The following TAX1BP1 variants were observed in gnomAD, a reference collection of about 807,000 sequenced individuals.
The protein encoded by TAX1BP1 is Tax1 binding protein 1.
A neutral mutation model predicts 97.7 loss-of-function variants in TAX1BP1; 62 were observed. The ratio of observed to expected loss-of-function variants is 0.63; its 90% CI spans 0.52 to 0.78. The LOEUF is 0.78. Among genes scored for constraint, TAX1BP1 ranks in the 30% least tolerant of loss-of-function variants. The pLI, the probability that TAX1BP1 is intolerant of heterozygous loss-of-function variation, is 0.00. For synonymous variants in TAX1BP1, 340 were observed against 304.2 expected, an observed-to-expected ratio of 1.12 and a Z score of -1.23; for missense variants, 867 against 916.1, an observed-to-expected ratio of 0.95 and a Z score of 0.69.
At chr7:27,745,071 A>G (rs1787768642) in intron 1 of TAX1BP1, among the ~76,000 whole-genome samples, 1 of 152,176 alleles carries the variant, frequency 6.6e-6, no homozygotes, top group Non-Finnish European at 1.5e-5. Context: ...GACGTTTCAT[A>G]CTTATCCTTG....
At position 27,795,998 on chromosome 7, in the gene TAX1BP1, C is replaced by A. The variant is rs148185584; in HGVS notation, c.1535-118C>A. 1.4e-3 allele frequency: 964 copies of A among 685,102 alleles called. 6 individuals carry two copies. The highest frequency in any genetic ancestry group is 0.013 in the African/African-American group (691 of 52,960). 42.4% of individuals were successfully genotyped at this position (685,102 alleles called of 1,614,324 possible). A position where few individuals can be genotyped will look rare whatever the true frequency, so the allele number is the denominator to read the frequency against. On this transcript the variant is annotated intron_variant, in intron 11 of 16. Coordinates refer to ENST00000396319, the MANE Select transcript of TAX1BP1 (RefSeq NM_006024.7). ...CTAGGATATGAATAGATATTTCTGT[C>A]CTTCAGCATTCCATTTACTATATTT...
In TAX1BP1 at chr7:27,810,906, T is replaced by G. The variant is rs143606012; in HGVS notation, c.1765-5443T>G. ...ATGCTCTTCATCTGCTTGGTGAAAATTCCTTAGGATCCATCTCAAATGGCT... is the reference window on the plus strand; with the variant it reads ...ATGCTCTTCATCTGCTTGGTGAAAAGTCCTTAGGATCCATCTCAAATGGCT... On this transcript the variant is annotated intron_variant, in intron 13 of 16. Transcript: ENST00000396319. Among the ~76,000 whole-genome samples, 189 of 152,208 alleles carry G rather than the reference T, an allele frequency of 1.2e-3. 2 individuals are homozygous for G. The highest frequency in any genetic ancestry group is 4.3e-3 in the African/African-American group (178 of 41,538).
At chr7:27,800,375 C>T (rs764459069) in intron 13 of TAX1BP1, among the ~76,000 whole-genome samples, 6 of 151,974 alleles carry the variant, frequency 3.9e-5, no homozygotes, top group Non-Finnish European at 7.4e-5. Flanking sequence ...GAAAAGTGAT[C>T]ATTATCCTCC....
At chr7:27,801,487 G>T (rs1562732315) in intron 13 of TAX1BP1, among the ~76,000 whole-genome samples, 1 of 152,086 alleles carries the variant, frequency 6.6e-6, no homozygotes, top group African/African-American at 2.4e-5. Flanking sequence ...CATATGAAAA[G>T]AATTTTTTGC....
chr7:27,803,270 G>T, intron 13 of TAX1BP1: 1 of 1,197,190 alleles, frequency 8.4e-7, no homozygotes, highest in South Asian at 2.4e-5. Flanking sequence ...AAGTTCATGT[G>T]ACAGTACAAT....
chr7:27,745,103 C>G (rs1421593865), intron 1 of TAX1BP1, among the ~76,000 whole-genome samples: 1 of 152,162 alleles, frequency 6.6e-6, no homozygotes, highest in Non-Finnish European at 1.5e-5. Flanking sequence ...TACTATACTC[C>G]TGTTTGTAGA....
chr7:27,747,584 C>T (rs1478043978), intron 1 of TAX1BP1, among the ~76,000 whole-genome samples: 1 of 152,024 alleles, frequency 6.6e-6, no homozygotes, highest in African/African-American at 2.4e-5. Flanking sequence ...TGGAGAAGAA[C>T]AAATAGGCTG....
At chr7:27,774,367 T>G (rs972915834) in intron 5 of TAX1BP1, among the ~76,000 whole-genome samples, 2 of 152,138 alleles carry the variant, frequency 1.3e-5, no homozygotes, top group Non-Finnish European at 2.9e-5. Context: ...GGCTTCCTCA[T>G]GGATAAGTCG....
rs1194213950 is a variant in TAX1BP1, at chr7:27,787,528, G to A, written c.963G>A (p.Glu321=). The A allele has an allele frequency of 6.2e-7, 1 of 1,613,666 alleles. No homozygotes were observed. Among genetic ancestry groups the A allele is most frequent in the African/African-American group, 1.3e-5 (1 of 74,920 alleles). Residue 321 remains glutamate (E), a synonymous_variant, in exon 8 of 17, where the codon GAG becomes GAA. Transcript: ENST00000396319. Reference sequence around the variant, plus strand: ...GCGTGATTACTCATTTCAAAGAAGAGATTGGCAGGCTGCAGTTATGTTTGG... The same window carrying A: ...GCGTGATTACTCATTTCAAAGAAGAAATTGGCAGGCTGCAGTTATGTTTGG... ...KESVITHFKE[E]IGRLQLCLAE... is the part of the protein sequence containing the mutation.
At chr7:27,809,838 A>T (rs545955683) in intron 13 of TAX1BP1, among the ~76,000 whole-genome samples, 4 of 152,146 alleles carry the variant, frequency 2.6e-5, no homozygotes, top group Non-Finnish European at 5.9e-5. Flanking sequence ...TTACAGAAGA[A>T]TTTAAACTCT....
chr7:27,765,707 A>G, intron 3 of TAX1BP1, 127 bp from the exon 4 acceptor site: 3 of 806,538 alleles, frequency 3.7e-6, no homozygotes, highest in Non-Finnish European at 5.7e-6. Flanking sequence ...CGAAAGGAGG[A>G]AGGACATATC....
intron 13 of TAX1BP1, among the ~76,000 whole-genome samples, chr7:27,812,785 C>T (rs868100884): frequency 6.6e-6 from 1 of 152,124 alleles, no homozygotes; most frequent in African/African-American, 2.4e-5. Flanking sequence ...GTTGAAAATA[C>T]TCTATAAGTA....
chr7:27,765,981 C>A lies in TAX1BP1; in HGVS notation c.413C>A (p.Ser138Tyr), dbSNP rs952678430. Residue 138 changes from serine to tyrosine, a missense_variant, in exon 4 of 17, where the codon TCT (serine) becomes TAT (tyrosine). This residue lies in a region of TAX1BP1 where 822 missense variants were observed against 851.4 expected (regional missense o/e 0.97). Coordinates refer to ENST00000396319, the MANE Select transcript of TAX1BP1 (RefSeq NM_006024.7). ...ELLTMEDEGN[S>Y]DMLVVTTKAG... is the part of the protein sequence containing the mutation. ...CTTACTATGGAAGATGAAGGAAATT[C>A]TGACATGTTAGTGGTGACCACAAAA... 5 of 1,614,132 alleles carry A rather than the reference C, an allele frequency of 3.1e-6. No individual in the cohort carries two copies. Among genetic ancestry groups the A allele is most frequent in the Non-Finnish European group, 4.2e-6 (5 of 1,180,026 alleles).
At chr7:27,795,988 A>G (rs1789917783) in intron 11 of TAX1BP1, 128 bp from the exon 12 acceptor site, 1 of 647,356 alleles carries the variant, frequency 1.5e-6, no homozygotes. Flanking sequence ...ATATGAATAG[A>G]TATTTCTGTC....
At chr7:27,786,738 C>G (rs1234561837) in intron 7 of TAX1BP1, among the ~76,000 whole-genome samples, 1 of 152,150 alleles carries the variant, frequency 6.6e-6, no homozygotes, top group African/African-American at 2.4e-5. Context: ...CTTCAGCATT[C>G]TGTATATTTA....
intron 13 of TAX1BP1, among the ~76,000 whole-genome samples, chr7:27,803,351 A>G (rs777093429): frequency 6.6e-6 from 1 of 152,246 alleles, no homozygotes; most frequent in Non-Finnish European, 1.5e-5. Flanking sequence ...CTTTTGTAAT[A>G]GGAAACATTT....
In TAX1BP1 at chr7:27,769,805, A is replaced by G. The variant is rs769867581; in HGVS notation, c.583A>G (p.Arg195Gly). ...AAGAGAACTTAACCATGAGAAAGAA[A>G]GATGTGACCAACTGCAAGCAGAACA... is the stretch of plus-strand genomic sequence containing the variant. ...MERELNHEKE[R>G]CDQLQAEQKG... is the part of the protein sequence containing the mutation. Residue 195 changes from arginine (R) to glycine (G), a missense_variant, in exon 5 of 17, where the codon AGA becomes GGA. By Grantham distance (125) the Arg-to-Gly change is moderately radical. Coordinates refer to ENST00000396319, the MANE Select transcript of TAX1BP1 (RefSeq NM_006024.7). The G allele has an allele frequency of 1.2e-6, 2 of 1,612,360 alleles. No homozygotes were observed. The highest frequency in any genetic ancestry group is 2.2e-5 in the South Asian group (2 of 90,842).
At chr7:27,749,070 A>C (rs1191925505) in intron 2 of TAX1BP1, among the ~76,000 whole-genome samples, 1 of 152,184 alleles carries the variant, frequency 6.6e-6, no homozygotes, top group Admixed American at 6.5e-5. Flanking sequence ...TATCCCTTCT[A>C]CTGTCCTGCA....
At chr7:27,748,435 T>TA in intron 1 of TAX1BP1, 83 bp from the exon 2 acceptor site, 1 of 947,998 alleles carries the variant, frequency 1.1e-6, no homozygotes, top group Non-Finnish European at 1.4e-6. Context: ...TCATGAAACT[T>TA]ATATTAAATA....
Sources: allele counts gnomAD v4.1 joint callset (sites outside exome capture counted in the v4.1 genomes callset), GRCh38; gene constraint gnomAD v4.1.1; regional missense constraint gnomAD v4.1.1; transcripts MANE v1.5; gene names NCBI Gene and HGNC (gene_info 2026-07-23, HGNC 2026-07-21).